Variants in RIN3 observed in about 807,000 individuals in gnomAD.
RIN3 encodes Ras and Rab interactor 3.
Under a neutral mutation model 76.3 loss-of-function variants are expected in RIN3, and 54 were observed. The observed-to-expected ratio is 0.71, with a 90% CI of 0.57 to 0.89. The LOEUF (loss-of-function observed/expected upper bound fraction) is 0.89, where lower values mean the gene tolerates loss of function less well. Among genes scored for constraint, RIN3 ranks in the 40% least tolerant of loss-of-function variants. The pLI is 0.00. For synonymous variants in RIN3, 576 were observed against 564.0 expected, an observed-to-expected ratio of 1.02 and a Z score of -0.30; for missense variants, 1,256 against 1,322.1, an observed-to-expected ratio of 0.95 and a Z score of 0.78.
At chr14:92,540,121 G>T (rs1005971689) in intron 1 of RIN3, among the ~76,000 whole-genome samples, 3 of 152,240 alleles carry the variant, frequency 2.0e-5, no homozygotes, top group African/African-American at 7.2e-5. Context: ...GCACACAGAT[G>T]TGGAAAGTTT....
At chr14:92,557,575 C>T (rs919664304) in intron 2 of RIN3, among the ~76,000 whole-genome samples, 5 of 152,338 alleles carry the variant, frequency 3.3e-5, no homozygotes, top group East Asian at 1.9e-4. Flanking sequence ...ACCTGAAAAT[C>T]GGAATTACTA....
intron 3 of RIN3, among the ~76,000 whole-genome samples, chr14:92,601,653 T>C (rs182180477): frequency 1.3e-5 from 2 of 152,154 alleles, no homozygotes; most frequent in East Asian, 1.9e-4. Context: ...GTCAAAGACA[T>C]CTCCCCGGCC....
intron 4 of RIN3, among the ~76,000 whole-genome samples, chr14:92,639,877 T>C (rs1385023452): frequency 6.6e-6 from 1 of 152,036 alleles, no homozygotes; most frequent in Non-Finnish European, 1.5e-5. Flanking sequence ...TGCTGGGAGA[T>C]GCCTGACTGT....
In RIN3 at chr14:92,527,510, G is replaced by T. The variant is rs142429243; in HGVS notation, c.44+13534G>T. On this transcript the variant is annotated intron_variant, in intron 1 of 9. Coordinates refer to ENST00000216487, the MANE Select transcript of RIN3 (RefSeq NM_024832.5). ...ACTACATCTTTTGGGGGGATGTGATGGGACCTGTAACAAACTGTAATTTAC... is the reference window on the plus strand; with the variant it reads ...ACTACATCTTTTGGGGGGATGTGATTGGACCTGTAACAAACTGTAATTTAC... 6.6e-4 allele frequency among the ~76,000 whole-genome samples: 100 copies of T among 152,236 alleles called. 1 individual carries two copies. In the East Asian group the frequency reaches 0.01, roughly 16 times the overall value.
chr14:92,640,295 T>C (rs1432122445), intron 4 of RIN3, among the ~76,000 whole-genome samples: 1 of 133,364 alleles, frequency 7.5e-6, no homozygotes, highest in Non-Finnish European at 1.6e-5. Context: ...TGCCTGACTG[T>C]GTGTTCATCG....
intron 2 of RIN3, among the ~76,000 whole-genome samples, chr14:92,571,277 TA>T (rs1299866222): frequency 6.6e-6 from 1 of 152,256 alleles, no homozygotes; most frequent in African/African-American, 2.4e-5. Context: ...TTTGCTCAAT[TA>T]AATTCTGTGA....
rs576683908 is a variant in RIN3 at position 92,537,634 on chromosome 14, CTTTTTTTTTT to C, written c.45-18099_45-18090del. ...CAGCTATAAGTGAGTGCCTTAGGGA[CTTTTTTTTTT>C]TTTTTTTTTTTTTTTTTGGAGACAG... On this transcript the variant is annotated intron_variant, in intron 1 of 9. Coordinates refer to ENST00000216487, the MANE Select transcript of RIN3 (RefSeq NM_024832.5). Among the ~76,000 whole-genome samples, 118 of 51,650 alleles carry C rather than the reference CTTTTTTTTTT, an allele frequency of 2.3e-3. 1 individual carries two copies. Among genetic ancestry groups the C allele is most frequent in the Non-Finnish European group, 3.2e-3 (94 of 29,570 alleles). 33.9% of individuals were successfully genotyped at this position (51,650 alleles called of 152,430 possible). A position where few individuals can be genotyped will look rare whatever the true frequency, so the allele number is the denominator to read the frequency against.
In RIN3 at chr14:92,648,527, C is replaced by G. The variant is rs1385449673; in HGVS notation, c.533-3055C>G. On this transcript the variant is annotated intron_variant, in intron 5 of 9. Coordinates refer to ENST00000216487, the MANE Select transcript of RIN3 (RefSeq NM_024832.5). This position sits in a 1 kb window ranked among gnomAD's most constrained non-coding sequence, Gnocchi z 4.1. ...CTCCCATGGTTCAGGTTGTCCCCAT[C>G]TTGCCCTTGAAACTAACCTTGCCTG... Among the ~76,000 whole-genome samples, 2 of 152,354 alleles carry G rather than the reference C, an allele frequency of 1.3e-5. No individual in the cohort carries two copies. Among genetic ancestry groups the G allele is most frequent in the East Asian group, 1.9e-4 (1 of 5,180 alleles).
At chr14:92,570,129 T>G (rs1898023617) in intron 2 of RIN3, among the ~76,000 whole-genome samples, 1 of 152,222 alleles carries the variant, frequency 6.6e-6, no homozygotes, top group Non-Finnish European at 1.5e-5. Context: ...GAGAGCACTT[T>G]CCCAGTGTGG....
chr14:92,632,308 C>T (rs1040634686), intron 4 of RIN3, among the ~76,000 whole-genome samples: 8 of 152,072 alleles, frequency 5.3e-5, no homozygotes, highest in Non-Finnish European at 7.4e-5. Flanking sequence ...GTGACTGGCT[C>T]CTGCTGATGG....
Position 92,664,407 on chromosome 14 carries a change from G to A in RIN3, c.2335+4938G>A, listed in dbSNP as rs765039772. ...TTTTGAGATGGAGTCTCACTCTGTC[G>A]CCCAGGCTGGAGTGCAGTGGCGCGA... is the stretch of plus-strand genomic sequence containing the variant. On this transcript the variant is annotated intron_variant, in intron 7 of 9. Coordinates refer to ENST00000216487, the MANE Select transcript of RIN3 (RefSeq NM_024832.5). Among the ~76,000 whole-genome samples the A allele has an allele frequency of 3.5e-4, 40 of 115,340 alleles. No individual in the cohort carries two copies. In the Middle Eastern group the frequency reaches 0.029, roughly 85 times the overall value. 75.7% of individuals were successfully genotyped at this position (115,340 alleles called of 152,430 possible).
intron 1 of RIN3, among the ~76,000 whole-genome samples, chr14:92,554,815 C>T (rs1416173559): frequency 2.0e-5 from 3 of 152,008 alleles, no homozygotes; most frequent in Non-Finnish European, 2.9e-5. Flanking sequence ...CCCAGCTACT[C>T]GGGAGGCTGA....
At position 92,577,373 on chromosome 14, in the gene RIN3, G is replaced by T. The variant is rs200280131; in HGVS notation, c.263G>T (p.Arg88Leu). The change falls in exon 3 of 10, where the codon CGC becomes CTC. Residue 88 changes from arginine (R) to leucine (L), a missense_variant. Transcript: ENST00000216487. ...HRVVAGMFLV[R>L]RDSSSKQLVL... ...CTTTGGTTTCAGATGTTCCTGGTTCGCCGGGACAGCAGCTCGAAGCAGCTG... is the reference window on the plus strand; with the variant it reads ...CTTTGGTTTCAGATGTTCCTGGTTCTCCGGGACAGCAGCTCGAAGCAGCTG... 1.6e-5 allele frequency: 26 copies of T among 1,612,586 alleles called. No homozygotes were observed. The highest frequency in any genetic ancestry group is 2.7e-5 in the African/African-American group (2 of 74,844).
intron 6 of RIN3, among the ~76,000 whole-genome samples, chr14:92,655,358 GAGAC>G (rs1226435451): frequency 1.3e-5 from 2 of 152,118 alleles, no homozygotes; most frequent in East Asian, 3.8e-4. Flanking sequence ...AAGAAGGAAA[GAGAC>G]AGAGAGACAG....
Position 92,687,937 on chromosome 14 carries a change from C to G in RIN3, c.2643C>G (p.Cys881Trp). ...ASRSSVQDFICVSYLEPEQQA... is the reference protein window; with the variant it reads ...ASRSSVQDFIWVSYLEPEQQA... ...TCGCGTCTCCGCAGGACTTCATCTG[C>G]GTGTCGTACCTGGAGCCCGAGCAGC... The change falls in exon 10 of 10, where the codon TGC becomes TGG. Residue 881 changes from cysteine to tryptophan, a missense_variant. Coordinates refer to ENST00000216487, the MANE Select transcript of RIN3 (RefSeq NM_024832.5). 1.9e-6 allele frequency: 3 copies of G among 1,546,756 alleles called. No homozygotes were observed. The highest frequency in any genetic ancestry group is 2.6e-6 in the Non-Finnish European group (3 of 1,146,394).
intron 3 of RIN3, among the ~76,000 whole-genome samples, chr14:92,602,496 A>T (rs567154513): frequency 2.6e-4 from 39 of 152,342 alleles, no homozygotes; most frequent in Middle Eastern, 6.8e-3. Flanking sequence ...ACTTGGCCAC[A>T]GCCTTGGGCC....
chr14:92,576,285 C>G, intron 2 of RIN3: 1 of 1,289,510 alleles, frequency 7.8e-7, no homozygotes, highest in South Asian at 1.2e-5. Context: ...GCTCCCCATG[C>G]TTGCCTTCGG....
chr14:92,671,320 C>T (rs1453384709), intron 7 of RIN3, among the ~76,000 whole-genome samples: 2 of 149,284 alleles, frequency 1.3e-5, no homozygotes, highest in Admixed American at 1.3e-4. Context: ...GAGGGGGTCC[C>T]AGGAGGGGGG....
chr14:92,584,350 C>T (rs1300713415), intron 3 of RIN3, among the ~76,000 whole-genome samples: 2 of 152,316 alleles, frequency 1.3e-5, no homozygotes, highest in Admixed American at 6.5e-5. Flanking sequence ...AAAGGTTCCA[C>T]TCAGAGAAGG....
Sources: allele counts gnomAD v4.1 joint callset (sites outside exome capture counted in the v4.1 genomes callset), GRCh38; gene constraint gnomAD v4.1.1; non-coding constraint Gnocchi (gnomAD v3.1); transcripts MANE v1.5; gene names NCBI Gene and HGNC (gene_info 2026-07-23, HGNC 2026-07-21).